Variants in TLE4 observed in about 807,000 individuals in gnomAD.
The protein encoded by TLE4 is TLE family member 4, transcriptional corepressor, also known as transducin-like enhancer protein 4.
A neutral mutation model predicts 92.8 loss-of-function variants in TLE4; 8 were observed. The ratio of observed to expected loss-of-function variants is 0.09; its 90% CI spans 0.05 to 0.16. TLE4 has a LOEUF of 0.16. Among genes scored for constraint, TLE4 ranks in the 10% least tolerant of loss-of-function variants. TLE4 has a pLI of 1.00. For missense variants in TLE4, 675 were observed against 997.6 expected, an observed-to-expected ratio of 0.68 and a Z score of 4.36; for synonymous variants, 371 against 374.1, an observed-to-expected ratio of 0.99 and a Z score of 0.10.
chr9:79,706,696 G>A (rs144401961), intron 10 of TLE4, 51 bp from the exon 11 acceptor site: 2 of 1,575,470 alleles, frequency 1.3e-6, no homozygotes, highest in South Asian at 2.4e-5. Flanking sequence ...AACAACCCCA[G>A]CATTATAAAT....
intron 14 of TLE4, among the ~76,000 whole-genome samples, chr9:79,713,348 A>C (rs924896996): frequency 2.0e-5 from 3 of 152,220 alleles, no homozygotes; most frequent in African/African-American, 7.2e-5. Flanking sequence ...TGGATTGTTT[A>C]AAGTGTAGTT....
intron 8 of TLE4, among the ~76,000 whole-genome samples, chr9:79,657,398 C>T (rs754797147): frequency 6.6e-6 from 1 of 152,176 alleles, no homozygotes; most frequent in African/African-American, 2.4e-5. Flanking sequence ...CTAGAAAAGT[C>T]GTAAGTGACA....
chr9:79,700,948 A>G (rs1437962903), intron 8 of TLE4, among the ~76,000 whole-genome samples: 1 of 152,224 alleles, frequency 6.6e-6, no homozygotes, highest in Non-Finnish European at 1.5e-5. Flanking sequence ...CAGCTTCAGT[A>G]AGTTTCTTAT....
chr9:79,590,625 G>A (rs775415317), intron 4 of TLE4, among the ~76,000 whole-genome samples: 2 of 152,118 alleles, frequency 1.3e-5, no homozygotes, highest in Non-Finnish European at 2.9e-5. Context: ...GCTGATAGGA[G>A]GGTTTTTTTA....
intron 5 of TLE4, among the ~76,000 whole-genome samples, chr9:79,616,474 G>A (rs1358268290): frequency 6.6e-6 from 1 of 152,104 alleles, no homozygotes; most frequent in Non-Finnish European, 1.5e-5. Context: ...TCTCCTCTTG[G>A]GAGGAGCTAG....
intron 8 of TLE4, among the ~76,000 whole-genome samples, chr9:79,666,221 T>TTG (rs2061390370): frequency 9.0e-6 from 1 of 111,396 alleles, no homozygotes; most frequent in African/African-American, 4.1e-5. Context: ...TTTTTTGTTT[T>TTG]TTTTTTTTTT....
chr9:79,654,661 AGTT>A (rs2134262227), intron 8 of TLE4, among the ~76,000 whole-genome samples: 1 of 152,236 alleles, frequency 6.6e-6, no homozygotes, highest in African/African-American at 2.4e-5. Flanking sequence ...TTTATAGACA[AGTT>A]GTAGGGAAAG....
At chr9:79,609,185 G>A (rs1166586609) in intron 4 of TLE4, among the ~76,000 whole-genome samples, 1 of 151,994 alleles carries the variant, frequency 6.6e-6, no homozygotes, top group Admixed American at 6.6e-5. Context: ...GGAGTATGAA[G>A]AAATAAAGGA....
chr9:79,631,353 A>G (rs2054146040), intron 6 of TLE4, among the ~76,000 whole-genome samples: 1 of 152,194 alleles, frequency 6.6e-6, no homozygotes, highest in Admixed American at 6.5e-5. Context: ...AAATATTAAA[A>G]TTCAGTGGAT....
intron 1 of TLE4, among the ~76,000 whole-genome samples, chr9:79,573,099 G>T (rs1280433774): frequency 1.3e-5 from 2 of 152,040 alleles, no homozygotes; most frequent in Non-Finnish European, 2.9e-5. Context: ...AGCCGTTTGC[G>T]GTCCCCGCGC....
intron 4 of TLE4, among the ~76,000 whole-genome samples, chr9:79,606,114 A>G (rs1416726203): frequency 6.8e-6 from 1 of 146,022 alleles, no homozygotes; most frequent in Non-Finnish European, 1.5e-5. Flanking sequence ...TAGGAACCTG[A>G]TAGATGGCCT....
At chr9:79,681,303 A>G (rs2064519751) in intron 8 of TLE4, among the ~76,000 whole-genome samples, 1 of 152,178 alleles carries the variant, frequency 6.6e-6, no homozygotes, top group Non-Finnish European at 1.5e-5. Flanking sequence ...GGTTAAAGGA[A>G]GTCACTATCA....
chr9:79,699,412 A>C (rs2069145287), intron 8 of TLE4, among the ~76,000 whole-genome samples: 1 of 152,170 alleles, frequency 6.6e-6, no homozygotes, highest in African/African-American at 2.4e-5. Flanking sequence ...TATAGTTAAG[A>C]GTAACTATAA....
chr9:79,572,116 C>T lies in TLE4; in HGVS notation c.-675C>T, dbSNP rs954431012. ...AAAAAAAAGCCGCAAGCGTTTCACTCTTTTATTTTTATAATCCCCTTCAAT... is the reference window on the plus strand; with the variant it reads ...AAAAAAAAGCCGCAAGCGTTTCACTTTTTTATTTTTATAATCCCCTTCAAT... On this transcript the variant is annotated 5_prime_UTR_variant, in exon 1 of 20. Coordinates refer to ENST00000376552, the MANE Select transcript of TLE4 (RefSeq NM_007005.6). 1 of 151,380 alleles carries T rather than the reference C, an allele frequency of 6.6e-6. No homozygotes were observed. The highest frequency in any genetic ancestry group is 1.5e-5 in the Non-Finnish European group (1 of 67,920). The allele number at this position is 151,380 out of a possible 1,614,324, so 9.4% of individuals were successfully genotyped here.
At chr9:79,696,864 T>G (rs2068396240) in intron 8 of TLE4, among the ~76,000 whole-genome samples, 1 of 152,134 alleles carries the variant, frequency 6.6e-6, no homozygotes, top group Admixed American at 6.5e-5. Context: ...AGTGCAGGGA[T>G]AGGTATAAAG....
chr9:79,627,635 C>T lies in TLE4; in HGVS notation c.390+187C>T, dbSNP rs960791343. The T allele has an allele frequency of 3.6e-5, 22 of 616,680 alleles. No individual in the cohort carries two copies. In the African/African-American group the frequency reaches 3.9e-4, roughly 11 times the overall value. The allele number at this position is 616,680 out of a possible 1,614,324, so 38.2% of individuals were successfully genotyped here. A position where few individuals can be genotyped will look rare whatever the true frequency, so the allele number is the denominator to read the frequency against. On this transcript the variant is annotated intron_variant, in intron 6 of 19. Coordinates refer to ENST00000376552, the MANE Select transcript of TLE4 (RefSeq NM_007005.6). Reference sequence around the variant, plus strand: ...CCTTAGAAACTTTGGATCACATTCTCACCAATTTAAGTGGATGTGTTCATG... The same window carrying T: ...CCTTAGAAACTTTGGATCACATTCTTACCAATTTAAGTGGATGTGTTCATG...
chr9:79,630,925 G>T (rs149926037), intron 6 of TLE4, among the ~76,000 whole-genome samples: 1 of 152,014 alleles, frequency 6.6e-6, no homozygotes, highest in African/African-American at 2.4e-5. Flanking sequence ...AAAAATAGAC[G>T]ATGTGGGTTC....
chr9:79,663,153 C>T (rs982846451), intron 8 of TLE4, among the ~76,000 whole-genome samples: 2 of 152,114 alleles, frequency 1.3e-5, no homozygotes, highest in East Asian at 3.9e-4. Context: ...GCACAGCTAG[C>T]GGCAACGGCA....
At chr9:79,674,604 T>A (rs2062954311) in intron 8 of TLE4, among the ~76,000 whole-genome samples, 1 of 152,190 alleles carries the variant, frequency 6.6e-6, no homozygotes, top group African/African-American at 2.4e-5. Flanking sequence ...ATCGATTTTG[T>A]ATATGTGTAT....
Sources: allele counts gnomAD v4.1 joint callset (sites outside exome capture counted in the v4.1 genomes callset), GRCh38; gene constraint gnomAD v4.1.1; transcripts MANE v1.5; gene names NCBI Gene and HGNC (gene_info 2026-07-23, HGNC 2026-07-21).